The following PTGIS variants were observed in gnomAD, a reference collection of about 807,000 sequenced individuals.
PTGIS encodes prostacyclin synthase.
In PTGIS, 45 loss-of-function variants were observed where a neutral mutation model predicts 50.3. The ratio of observed to expected loss-of-function variants is 0.90; its 90% CI spans 0.70 to 1.15. The LOEUF (loss-of-function observed/expected upper bound fraction) is 1.15, where lower values mean the gene tolerates loss of function less well. Ranked by LOEUF, PTGIS falls within the 50% of genes most tolerant of loss-of-function variation. The pLI is 0.00. For missense variants in PTGIS, 668 were observed against 661.3 expected (o/e 1.01, Z -0.11); for synonymous variants, 260 against 267.7 (o/e 0.97, Z 0.28).
At chr20:49,514,172 G>T in intron 7 of PTGIS, 55 bp downstream of exon 7, 1 of 1,600,588 alleles carries the variant, frequency 6.2e-7, no homozygotes. Flanking sequence ...GAGGGCTTTG[G>T]GGGTCCATGA....
At chr20:49,537,618 G>C (rs1982113559) in intron 5 of PTGIS, among the ~76,000 whole-genome samples, 5 of 152,166 alleles carry the variant, frequency 3.3e-5, no homozygotes, top group Admixed American at 3.3e-4. Flanking sequence ...AACCAGGCGT[G>C]GTGGTGCGTG....
intron 5 of PTGIS, among the ~76,000 whole-genome samples, chr20:49,532,845 A>T (rs2122866972): frequency 6.6e-6 from 1 of 152,338 alleles, no homozygotes; most frequent in South Asian, 2.1e-4. Context: ...CATCTAGCTC[A>T]TAGGATGGTC....
intron 6 of PTGIS, among the ~76,000 whole-genome samples, chr20:49,519,497 C>G (rs1487182225): frequency 6.6e-6 from 1 of 151,960 alleles, no homozygotes; most frequent in Non-Finnish European, 1.5e-5. Context: ...CTTCCTGGCC[C>G]CTCCTCCTCA....
rs1285498276 is a variant in PTGIS, at chr20:49,540,117, G to T, written c.522-396C>A. Among the ~76,000 whole-genome samples, 1 of 152,100 alleles carries T rather than the reference G, an allele frequency of 6.6e-6. No individual in the cohort carries two copies. The highest frequency in any genetic ancestry group is 2.4e-5 in the African/African-American group (1 of 41,402). Reference sequence around the variant, plus strand: ...GTCAGCCATGGGCAGAGCAGAGGGAGGGGTAGGAAGCAGAGCAAGCACCAG... The same window carrying T: ...GTCAGCCATGGGCAGAGCAGAGGGATGGGTAGGAAGCAGAGCAAGCACCAG... On this transcript the variant is annotated intron_variant, in intron 4 of 9. Coordinates refer to ENST00000244043, the MANE Select transcript of PTGIS (RefSeq NM_000961.4). This position sits in a 1 kb window ranked among gnomAD's most constrained non-coding sequence, Gnocchi z 4.8.
intron 9 of PTGIS, among the ~76,000 whole-genome samples, chr20:49,509,946 C>A (rs1434327668): frequency 7.3e-6 from 1 of 137,894 alleles, no homozygotes; most frequent in Admixed American, 7.8e-5. Context: ...TGGAGTGCAA[C>A]GGCGCAATCT....
Position 49,547,718 on chromosome 20 carries a change from T to G in PTGIS, c.377+123A>C, listed in dbSNP as rs146238607. ...TTGTTTTTTGTTTTGTTTCTGTTTG[T>G]GTTCTCAAGACAAAATGTCTTTACC... On this transcript the variant is annotated intron_variant, in intron 3 of 9. Transcript: ENST00000244043. 4,872 of 1,134,348 alleles carry G rather than the reference T, an allele frequency of 4.3e-3. 24 individuals are homozygous for G. Among genetic ancestry groups the G allele is most frequent in the Non-Finnish European group, 6.0e-3 (4,504 of 756,704 alleles). The allele number at this position is 1,134,348 out of a possible 1,614,324, so 70.3% of individuals were successfully genotyped here. A position where few individuals can be genotyped will look rare whatever the true frequency, so the allele number is the denominator to read the frequency against.
At chr20:49,556,988 A>G in intron 1 of PTGIS, among the ~76,000 whole-genome samples, 1 of 152,144 alleles carries the variant, frequency 6.6e-6, no homozygotes, top group East Asian at 1.9e-4. Context: ...CAATCTCTTT[A>G]TATGCAGAAA....
In PTGIS at chr20:49,544,389, G is replaced by A; in HGVS notation, c.437C>T (p.Ala146Val). ...LTEAMYTNLH[A>V]VLLGDATEAG... The stretch of plus-strand genomic sequence containing the variant: ...TTCTGTAGCATCGCCCAACAGCACT[G>A]CATGGAGGTTGGTATACATGGCTTC... The change falls in exon 4 of 10, where the codon GCA (alanine) becomes GTA (valine). Residue 146 changes from alanine to valine, a missense_variant. By Grantham distance (64) the Ala-to-Val change is moderately conservative. Coordinates refer to ENST00000244043, the MANE Select transcript of PTGIS (RefSeq NM_000961.4). 6.2e-7 allele frequency: 1 copy of A among 1,614,138 alleles called. No homozygotes were observed. Among genetic ancestry groups the A allele is most frequent in the South Asian group, 1.1e-5 (1 of 91,078 alleles).
intron 6 of PTGIS, among the ~76,000 whole-genome samples, chr20:49,517,720 T>C (rs568263559): frequency 6.6e-6 from 1 of 152,312 alleles, no homozygotes; most frequent in East Asian, 1.9e-4. Context: ...ATTCACATGC[T>C]CCTTCTTGTT....
intron 5 of PTGIS, among the ~76,000 whole-genome samples, chr20:49,538,109 G>T (rs564671718): frequency 1.3e-3 from 194 of 150,314 alleles, no homozygotes; most frequent in African/African-American, 4.6e-3. Flanking sequence ...TTAAAAATTA[G>T]CCAAGCCTAG....
intron 1 of PTGIS, among the ~76,000 whole-genome samples, chr20:49,551,780 ATG>A (rs1252668699): frequency 7.3e-6 from 1 of 137,066 alleles, no homozygotes; most frequent in Non-Finnish European, 1.6e-5. Flanking sequence ...ATGCGTGTGT[ATG>A]TGTGTGTATG....
chr20:49,523,152 GGAATACAGATTGTTTATTAGATAATGA>G (rs1981697002), intron 6 of PTGIS, among the ~76,000 whole-genome samples: 1 of 152,184 alleles, frequency 6.6e-6, no homozygotes, highest in East Asian at 1.9e-4. Flanking sequence ...TGGCAAAACT[GGAATACAGATTGTTTATTAGATAATGA>G]TCATGTATTT....
rs1243998116 is a variant in PTGIS, at chr20:49,540,623, G to A, written c.522-902C>T. Among the ~76,000 whole-genome samples, 1 of 152,110 alleles carries A rather than the reference G, an allele frequency of 6.6e-6. No homozygotes were observed. The highest frequency in any genetic ancestry group is 2.4e-5 in the African/African-American group (1 of 41,408). ...GTGTGAAAAAGGGTAAGACATGGGA[G>A]CTAGCATGAGCTCTCATGTGCTCTC... On this transcript the variant is annotated intron_variant, in intron 4 of 9. Transcript: ENST00000244043. The surrounding 1 kb of genome is among the most constrained non-coding windows in gnomAD (Gnocchi z 4.8).
chr20:49,541,432 A>T (rs1161931385), intron 4 of PTGIS, among the ~76,000 whole-genome samples: 1 of 152,190 alleles, frequency 6.6e-6, no homozygotes, highest in Non-Finnish European at 1.5e-5. Flanking sequence ...AATGAAAAAT[A>T]AACCAAAAAA....
chr20:49,511,112 T>C lies in PTGIS; in HGVS notation c.1274A>G (p.Lys425Arg). The C allele has an allele frequency of 6.2e-7, 1 of 1,614,236 alleles. No individual in the cohort carries two copies. The highest frequency in any genetic ancestry group is 1.3e-5 in the African/African-American group (1 of 75,074). ...GGGCATGTTGTAATTCTTCAGCCGT[T>C]TCCCATCCTTGTAAAAGTCTTTCTT... The part of the protein sequence containing the change: ...SEKKDFYKDG[K>R]RLKNYNMPWG... The change falls in exon 9 of 10, where the codon AAA becomes AGA. Residue 425 changes from lysine to arginine, a missense_variant. Physicochemically the swap from Lys to Arg is conservative, Grantham distance 26 (BLOSUM62 2). Coordinates refer to ENST00000244043, the MANE Select transcript of PTGIS (RefSeq NM_000961.4).
At chr20:49,557,081 T>C (rs572855126) in intron 1 of PTGIS, among the ~76,000 whole-genome samples, 2 of 152,312 alleles carry the variant, frequency 1.3e-5, no homozygotes, top group South Asian at 4.1e-4. Flanking sequence ...CTTTCTTTTT[T>C]GTTTATCTGC....
At chr20:49,531,917 A>T (rs1981945022) in intron 5 of PTGIS, among the ~76,000 whole-genome samples, 1 of 152,190 alleles carries the variant, frequency 6.6e-6, no homozygotes, top group Non-Finnish European at 1.5e-5. Flanking sequence ...GGTGTGAGCC[A>T]CTGTGCGCAG....
chr20:49,564,441 C>T (rs761797359), intron 1 of PTGIS, among the ~76,000 whole-genome samples: 4 of 152,126 alleles, frequency 2.6e-5, no homozygotes, highest in African/African-American at 4.8e-5. Context: ...TTAGTAGAGA[C>T]GGGGTTTCAT....
chr20:49,550,541 T>C (rs1005205223), intron 1 of PTGIS, among the ~76,000 whole-genome samples: 5 of 152,226 alleles, frequency 3.3e-5, no homozygotes, highest in Non-Finnish European at 7.3e-5. Context: ...CTAGCTTAGA[T>C]ACTTTTTAGT....
Sources: allele counts gnomAD v4.1 joint callset (sites outside exome capture counted in the v4.1 genomes callset), GRCh38; gene constraint gnomAD v4.1.1; non-coding constraint Gnocchi (gnomAD v3.1); transcripts MANE v1.5; gene names NCBI Gene and HGNC (gene_info 2026-07-23, HGNC 2026-07-21).